WIPI1: variants seen among roughly 807,000 people sequenced by gnomAD.
WIPI1 encodes WD repeat domain phosphoinositide-interacting protein 1.
A neutral mutation model predicts 55.3 loss-of-function variants in WIPI1; 45 were observed. The ratio of observed to expected loss-of-function variants is 0.81; its 90% CI spans 0.64 to 1.04. The LOEUF (loss-of-function observed/expected upper bound fraction) is 1.04. Ranked by LOEUF, WIPI1 falls within the 50% of genes least tolerant of loss-of-function variation. The pLI, the probability that WIPI1 is intolerant of heterozygous loss-of-function variation, is 0.00. For synonymous variants in WIPI1, 195 were observed against 217.6 expected, an observed-to-expected ratio of 0.90 and a Z score of 0.92; for missense variants, 445 against 559.0, an observed-to-expected ratio of 0.80 and a Z score of 2.06.
chr17:68,435,175 C>T (rs1223707312), intron 6 of WIPI1, among the ~76,000 whole-genome samples: 1 of 150,742 alleles, frequency 6.6e-6, no homozygotes. Flanking sequence ...CCATTGCACT[C>T]CAGCCTGGGC....
rs578025536 is a variant in WIPI1, at chr17:68,429,124, T to C, written c.966-188A>G. Among the ~76,000 whole-genome samples, 9 of 152,322 alleles carry C rather than the reference T, an allele frequency of 5.9e-5. No homozygotes were observed. In the South Asian group the frequency reaches 1.9e-3, roughly 32 times the overall value. On this transcript the variant is annotated intron_variant, in intron 9 of 12. Coordinates refer to ENST00000262139, the MANE Select transcript of WIPI1 (RefSeq NM_017983.7). ...TGGCCTTGGGATCTACTTTCAGGAT[T>C]ATTTCTTGTCTTTGAACGTGACAGT...
intron 8 of WIPI1, among the ~76,000 whole-genome samples, chr17:68,432,848 C>T (rs1742297932): frequency 6.6e-6 from 1 of 152,208 alleles, no homozygotes; most frequent in Non-Finnish European, 1.5e-5. Flanking sequence ...GCTCCTTTCT[C>T]ACTCCTCCAT....
intron 4 of WIPI1, 111 bp from the exon 5 acceptor site, chr17:68,436,590 A>T: frequency 1.0e-6 from 1 of 956,474 alleles, no homozygotes; most frequent in East Asian, 2.6e-5. Context: ...TGGCAAGGGG[A>T]GGAATGGCTT....
intron 4 of WIPI1, among the ~76,000 whole-genome samples, chr17:68,438,265 C>T (rs917677090): frequency 2.0e-5 from 3 of 152,194 alleles, no homozygotes; most frequent in Non-Finnish European, 4.4e-5. Flanking sequence ...ACCCCTTTGG[C>T]GATACAAGGT....
rs1166003744 is a variant in WIPI1, at chr17:68,457,392, C to A, written c.30G>T (p.Pro10=). 3 of 1,534,762 alleles carry A rather than the reference C, an allele frequency of 2.0e-6. No individual in the cohort carries two copies. Among genetic ancestry groups the A allele is most frequent in the South Asian group, 2.4e-5 (2 of 82,660 alleles). ...AGCTGAGCGCCGACTCAACCCCGCC[C>A]GGGGGAGCGTCCGCGGCCTCGGCCT... The part of the protein sequence containing the change: MEAEAADAP[P]GGVESALSCF... Residue 10 remains proline (P), a synonymous_variant, in exon 1 of 13, where the codon CCG becomes CCT. Transcript: ENST00000262139.
chr17:68,426,170 A>T lies in WIPI1; in HGVS notation c.1198T>A (p.Ser400Thr). ...ASSASTVPGY[S>T]EDGGALRGEV... ...CCTCGCAGCGCCCCGCCGTCCTCAGAATAACCTGGAAACCAAGAAAGAGAC... is the reference window on the plus strand; with the variant it reads ...CCTCGCAGCGCCCCGCCGTCCTCAGTATAACCTGGAAACCAAGAAAGAGAC... The change falls in exon 12 of 13, where the codon TCT (serine) becomes ACT (threonine). Residue 400 changes from serine to threonine, a missense_variant. By Grantham distance (58) the Ser-to-Thr change is moderately conservative (BLOSUM62 1). Transcript: ENST00000262139. 6.2e-7 allele frequency: 1 copy of T among 1,603,148 alleles called. No homozygotes were observed. Among genetic ancestry groups the T allele is most frequent in the Non-Finnish European group, 8.5e-7 (1 of 1,174,110 alleles).
intron 4 of WIPI1, among the ~76,000 whole-genome samples, chr17:68,443,601 G>C (rs779992369): frequency 6.6e-6 from 1 of 152,150 alleles, no homozygotes; most frequent in African/African-American, 2.4e-5. Flanking sequence ...CTGGGAGATG[G>C]GTATTATTCA....
intron 4 of WIPI1, among the ~76,000 whole-genome samples, chr17:68,441,738 C>T (rs1600346408): frequency 6.6e-6 from 1 of 152,174 alleles, no homozygotes. Flanking sequence ...GTAACGCTCT[C>T]CGTGGCAACT....
At chr17:68,424,344 C>A in intron 12 of WIPI1, 1 of 485,916 alleles carries the variant, frequency 2.1e-6, no homozygotes, top group Admixed American at 2.3e-5. Flanking sequence ...CCCAGCCCTG[C>A]ATGCAGGGCC....
chr17:68,435,163 C>T (rs1222834397), intron 6 of WIPI1, among the ~76,000 whole-genome samples: 3 of 150,680 alleles, frequency 2.0e-5, no homozygotes, highest in African/African-American at 7.3e-5. Flanking sequence ...GCCGAGATTG[C>T]GCCATTGCAC....
At chr17:68,451,405 G>C (rs1463462637) in intron 2 of WIPI1, among the ~76,000 whole-genome samples, 3 of 152,202 alleles carry the variant, frequency 2.0e-5, no homozygotes, top group Non-Finnish European at 4.4e-5. Context: ...CTGCACTCCA[G>C]CCTGGGCGAC....
At chr17:68,426,242 T>TGC (rs2083173132) in intron 11 of WIPI1, 67 bp from the exon 12 acceptor site, 7 of 682,844 alleles carry the variant, frequency 1.0e-5, no homozygotes, top group Non-Finnish European at 1.1e-5. Context: ...ACCTGGCGGG[T>TGC]GGGGAGCGGG....
At chr17:68,432,334 A>C (rs1044754862) in intron 8 of WIPI1, among the ~76,000 whole-genome samples, 2 of 152,198 alleles carry the variant, frequency 1.3e-5, no homozygotes, top group Non-Finnish European at 2.9e-5. Context: ...GCCTTTAAAA[A>C]TAGCTTTCTC....
intron 2 of WIPI1, 114 bp from the exon 3 acceptor site, chr17:68,451,011 G>T: frequency 7.2e-7 from 1 of 1,384,404 alleles, no homozygotes. Flanking sequence ...TCCGGGTCTT[G>T]CCGGCCAGGC....
chr17:68,439,685 A>G (rs1466387120), intron 4 of WIPI1, among the ~76,000 whole-genome samples: 1 of 152,216 alleles, frequency 6.6e-6, no homozygotes, highest in African/African-American at 2.4e-5. Context: ...AGGAATATTT[A>G]TCTGGTTAGA....
At position 68,433,760 on chromosome 17, in the gene WIPI1, G is replaced by GTTTTTTTTT. The variant is rs556777098; in HGVS notation, c.693-194_693-186dup. Among the ~76,000 whole-genome samples the GTTTTTTTTT allele has an allele frequency of 4.4e-4, 32 of 72,820 alleles. 1 individual carries two copies. Among genetic ancestry groups the GTTTTTTTTT allele is most frequent in the African/African-American group, 1.4e-3 (22 of 15,266 alleles). 47.8% of individuals were successfully genotyped at this position (72,820 alleles called of 152,430 possible). A position where few individuals can be genotyped will look rare whatever the true frequency, so the allele number is the denominator to read the frequency against. Reference sequence around the variant, plus strand: ...TCAGAAAGATTCACAAAGGGTCATAGTTTTTTTTTTTTTTTTTTTTTTTTT... The same window carrying GTTTTTTTTT: ...TCAGAAAGATTCACAAAGGGTCATAGTTTTTTTTTTTTTTTTTTTTTTTTTTTTTTTTTT... On this transcript the variant is annotated intron_variant, in intron 7 of 12. Coordinates refer to ENST00000262139, the MANE Select transcript of WIPI1 (RefSeq NM_017983.7).
intron 2 of WIPI1, among the ~76,000 whole-genome samples, 190 bp from the exon 3 acceptor site, chr17:68,451,087 C>T (rs1430822852): frequency 1.3e-5 from 2 of 152,214 alleles, no homozygotes; most frequent in African/African-American, 4.8e-5. Context: ...GGCTTTTTAC[C>T]CTCTCCCAGG....
chr17:68,427,059 G>A, intron 11 of WIPI1, 76 bp downstream of exon 11: 1 of 1,236,780 alleles, frequency 8.1e-7, no homozygotes, highest in East Asian at 2.3e-5. Context: ...AAGGGGGAAG[G>A]GGAGGGAGCG....
chr17:68,447,984 CAAAAAAAAAAAA>C (rs5821653), intron 3 of WIPI1, among the ~76,000 whole-genome samples: 1 of 80,244 alleles, frequency 1.2e-5, no homozygotes, highest in Admixed American at 1.4e-4. Flanking sequence ...GACTCTATCT[CAAAAAAAAAAAA>C]AAAAAAAAAA....
Sources: gnomAD v4.1 joint callset for allele counts (sites outside exome capture counted in the v4.1 genomes callset) on GRCh38, gnomAD v4.1.1 for gene constraint, MANE v1.5 for transcripts, NCBI Gene and HGNC (gene_info 2026-07-23, HGNC 2026-07-21) for gene names.